TST: variants seen among roughly 807,000 people sequenced by gnomAD.
TST encodes the protein thiosulfate sulfurtransferase.
Under a neutral mutation model 20.4 loss-of-function variants are expected in TST, and 22 were observed. The observed-to-expected ratio is 1.08, with a 90% confidence interval of 0.77 to 1.54. TST has a LOEUF of 1.54. Among genes scored for constraint, TST ranks in the 40% most tolerant of loss-of-function variants. The probability of loss-of-function intolerance (pLI) is 0.00; values close to 1 mark genes in which losing one functional copy is unlikely to be tolerated. For missense variants in TST, 392 were observed against 405.2 expected, an observed-to-expected ratio of 0.97 and a Z score of 0.28; for synonymous variants, 187 against 173.8, an observed-to-expected ratio of 1.08 and a Z score of -0.60.
intron 2 of TST, 42 bp downstream of exon 2, chr22:37,018,096 G>T (rs763431878): frequency 3.5e-6 from 5 of 1,440,326 alleles, no homozygotes; most frequent in Admixed American, 4.8e-5. Flanking sequence ...TCCTTCCATG[G>T]GGCAATACTC....
rs200397190 is a variant in TST at position 37,011,299 on chromosome 22, C to T, written c.622G>A (p.Ala208Thr). The T allele has an allele frequency of 1.2e-5, 19 of 1,613,406 alleles. No individual in the cohort carries two copies. The East Asian group carries it at 4.2e-4, about 36-fold the overall frequency. The change falls in exon 3 of 3, where the codon GCC becomes ACC. Residue 208 changes from alanine to threonine, a missense_variant. Ala to Thr is a moderately conservative substitution (Grantham distance 58). Transcript: ENST00000249042. ...AAGTCCATGAAAGGCATGTTGACGGCACCACGGATATGGCCCGAGTCCAGT... is the reference window on the plus strand; with the variant it reads ...AAGTCCATGAAAGGCATGTTGACGGTACCACGGATATGGCCCGAGTCCAGT... ...VGLDSGHIRG[A>T]VNMPFMDFLT...
intron 2 of TST, among the ~76,000 whole-genome samples, chr22:37,016,915 G>A (rs142856787): frequency 1.3e-5 from 2 of 152,254 alleles, no homozygotes; most frequent in Non-Finnish European, 2.9e-5. Context: ...CCTCTGTCAG[G>A]TGAGGTCACC....
In TST at chr22:37,011,090, G is replaced by C. The variant is rs145408319; in HGVS notation, c.831C>G (p.Ser277=). Residue 277 remains serine (S), a synonymous_variant, in exon 3 of 3, where the codon TCC becomes TCG. Coordinates refer to ENST00000249042, the MANE Select transcript of TST (RefSeq NM_003312.6). ...PDVAVYDGSW[S]EWFRRAPPES... is the part of the protein sequence containing the mutation. ...CTGGGGGGGCCCGGCGAAACCACTC[G>C]GACCAGGAGCCATCGTACACGGCCA... is the stretch of plus-strand genomic sequence containing the variant. The C allele has an allele frequency of 6.2e-7, 1 of 1,613,140 alleles. No individual in the cohort carries two copies. The highest frequency in any genetic ancestry group is 8.5e-7 in the Non-Finnish European group (1 of 1,180,012).
upstream of TST, chr22:37,020,105 T>C: frequency 2.8e-6 from 1 of 362,496 alleles, no homozygotes. Flanking sequence ...GGTGACCTGG[T>C]GGCACCAGAG....
intron 2 of TST, 77 bp downstream of exon 2, chr22:37,018,061 G>A: frequency 1.7e-6 from 2 of 1,157,296 alleles, no homozygotes; most frequent in Non-Finnish European, 2.4e-6. Context: ...ACCCTGGAGA[G>A]GGTCCCAGTC....
At chr22:37,014,147 G>A (rs993187771) in intron 2 of TST, among the ~76,000 whole-genome samples, 5 of 152,294 alleles carry the variant, frequency 3.3e-5, no homozygotes, top group Admixed American at 2.6e-4. Flanking sequence ...CGGATCACGA[G>A]GTCAGGAGAT....
chr22:37,011,189 G>A lies in TST; in HGVS notation c.732C>T (p.Leu244=), dbSNP rs148020997. ...TGACTCCCTTGCGGCACGTGGCAAT[G>A]AGAGGCTGCGAGAGATCCACCTTCT... ...QTKKVDLSQP[L]IATCRKGVTA... is the part of the protein sequence containing the mutation. Residue 244 remains leucine, a synonymous_variant, in exon 3 of 3, where the codon CTC becomes CTT. Transcript: ENST00000249042. The A allele has an allele frequency of 5.6e-6, 9 of 1,613,694 alleles. No homozygotes were observed. The highest frequency in any genetic ancestry group is 7.6e-6 in the Non-Finnish European group (9 of 1,180,016).
In TST at chr22:37,018,515, A is replaced by G. The variant is rs1233595448; in HGVS notation, c.218T>C (p.Met73Thr). ...GAAGCCAGCCTCGCTGGGCAGCATC[A>G]TCTCGTAGGGCGACGCCGTGTCCCG... Reference protein sequence around the residue: ...ECRDTASPYEMMLPSEAGFAE... With the variant: ...ECRDTASPYETMLPSEAGFAE... Residue 73 changes from methionine (M) to threonine (T), a missense_variant, in exon 2 of 3, where the codon ATG becomes ACG. Coordinates refer to ENST00000249042, the MANE Select transcript of TST (RefSeq NM_003312.6). The G allele has an allele frequency of 1.9e-6, 3 of 1,600,016 alleles. No homozygotes were observed. The highest frequency in any genetic ancestry group is 2.6e-6 in the Non-Finnish European group (3 of 1,172,946).
intron 2 of TST, among the ~76,000 whole-genome samples, chr22:37,016,511 C>T (rs1922686635): frequency 6.6e-6 from 1 of 152,172 alleles, no homozygotes; most frequent in Non-Finnish European, 1.5e-5. Flanking sequence ...CTCCTCTGAG[C>T]CTCAGTTTCC....
At chr22:37,011,378 T>TGG in intron 2 of TST, 53 bp from the exon 3 acceptor site, 1 of 1,561,502 alleles carries the variant, frequency 6.4e-7, no homozygotes. Context: ...TGGGGACTAA[T>TGG]GGGGCCTGGA....
chr22:37,015,935 CTTTTT>C (rs1000783141), intron 2 of TST, among the ~76,000 whole-genome samples: 43 of 73,880 alleles, frequency 5.8e-4, no homozygotes, highest in African/African-American at 2.0e-3. Context: ...GCCACTGCTA[CTTTTT>C]TTTTTTTTTT....
intron 2 of TST, among the ~76,000 whole-genome samples, chr22:37,011,922 A>T (rs1922493111): frequency 2.0e-5 from 3 of 152,228 alleles, no homozygotes; most frequent in African/African-American, 7.2e-5. Context: ...CAGAAAGATG[A>T]AGGCAGACCC....
chr22:37,019,929 G>T, upstream of TST: 1 of 905,710 alleles, frequency 1.1e-6, no homozygotes, highest in Non-Finnish European at 1.5e-6. Context: ...TGGCTCTTTG[G>T]GGGTGCTCGG....
Position 37,018,429 on chromosome 22 carries a change from C to T in TST, c.304G>A (p.Glu102Lys). 1 of 1,613,534 alleles carries T rather than the reference C, an allele frequency of 6.2e-7. No homozygotes were observed. The highest frequency in any genetic ancestry group is 8.5e-7 in the Non-Finnish European group (1 of 1,180,008). Residue 102 changes from glutamate to lysine, a missense_variant, in exon 2 of 3, where the codon GAA becomes AAA. Transcript: ENST00000249042. ...GGAGCATAGAAGCTGCCCAGGTGTTCACCATCATACACCACCACGTGCGTG... is the reference window on the plus strand; with the variant it reads ...GGAGCATAGAAGCTGCCCAGGTGTTTACCATCATACACCACCACGTGCGTG... ...NHTHVVVYDG[E>K]HLGSFYAPRV...
At chr22:37,012,024 G>A (rs1922496818) in intron 2 of TST, among the ~76,000 whole-genome samples, 1 of 152,198 alleles carries the variant, frequency 6.6e-6, no homozygotes, top group African/African-American at 2.4e-5. Context: ...AAATCCCACT[G>A]GAGCAAGTTA....
chr22:37,014,848 T>G (rs1922616206), intron 2 of TST, among the ~76,000 whole-genome samples: 1 of 152,124 alleles, frequency 6.6e-6, no homozygotes, highest in Admixed American at 6.5e-5. Flanking sequence ...TGTCTGGCGC[T>G]TTCTCCTTTT....
Sources: gnomAD v4.1 joint callset for allele counts (sites outside exome capture counted in the v4.1 genomes callset) on GRCh38, gnomAD v4.1.1 for gene constraint, MANE v1.5 for transcripts, NCBI Gene and HGNC (gene_info 2026-07-23, HGNC 2026-07-21) for gene names.